Variants in PCDH9 observed in about 807,000 individuals in gnomAD.
PCDH9 encodes the protein protocadherin 9, also known as protocadherin-9.
In PCDH9, 24 loss-of-function variants were observed where a neutral mutation model predicts 70.6. The observed-to-expected ratio is 0.34, with a 90% CI of 0.25 to 0.48. The LOEUF (loss-of-function observed/expected upper bound fraction) is 0.48. Among genes scored for constraint, PCDH9 ranks in the 20% least tolerant of loss-of-function variants. The pLI is 0.99. For synonymous variants in PCDH9, 562 were observed against 558.5 expected, an observed-to-expected ratio of 1.01 and a Z score of -0.09; for missense variants, 1,281 against 1,503.6, an observed-to-expected ratio of 0.85 and a Z score of 2.45.
chr13:67,113,729 A>G (rs1052352643), intron 2 of PCDH9, among the ~76,000 whole-genome samples: 13 of 152,124 alleles, frequency 8.5e-5, no homozygotes, highest in Middle Eastern at 3.4e-3. Context: ...TTGTATTTTT[A>G]GTAGAGAGGG....
chr13:66,557,878 A>G (rs1961805776), intron 4 of PCDH9, among the ~76,000 whole-genome samples: 1 of 152,094 alleles, frequency 6.6e-6, no homozygotes, highest in African/African-American at 2.4e-5. Context: ...TGGGCTGGAA[A>G]CAGTGGCTCA....
chr13:66,343,275 G>C (rs1039782754), intron 4 of PCDH9, among the ~76,000 whole-genome samples: 4 of 152,082 alleles, frequency 2.6e-5, no homozygotes, highest in African/African-American at 9.7e-5. Context: ...CAATTCTATA[G>C]GTCACAAGTC....
chr13:67,165,195 G>T (rs1316483603), intron 2 of PCDH9, among the ~76,000 whole-genome samples: 1 of 151,912 alleles, frequency 6.6e-6, no homozygotes, highest in Non-Finnish European at 1.5e-5. Flanking sequence ...TTTTATTAGT[G>T]AATTGTACTG....
intron 2 of PCDH9, among the ~76,000 whole-genome samples, chr13:67,085,583 T>G (rs1241364319): frequency 2.0e-5 from 3 of 152,204 alleles, no homozygotes; most frequent in Non-Finnish European, 4.4e-5. Context: ...GTACTTTGAT[T>G]GGAATAACTG....
intron 2 of PCDH9, among the ~76,000 whole-genome samples, chr13:66,984,874 T>C (rs1040320223): frequency 5.3e-5 from 8 of 152,096 alleles, no homozygotes; most frequent in Non-Finnish European, 1.0e-4. Context: ...TATGGTTTTC[T>C]AAGGACAATT....
intron 2 of PCDH9, among the ~76,000 whole-genome samples, chr13:67,075,306 A>G (rs571650486): frequency 6.6e-6 from 1 of 152,250 alleles, no homozygotes; most frequent in South Asian, 2.1e-4. Context: ...GGGGAAAGTT[A>G]TATTGGTCAG....
At chr13:66,631,446 C>G (rs1304954199) in intron 3 of PCDH9, 35 bp from the exon 4 acceptor site, 2 of 1,238,614 alleles carry the variant, frequency 1.6e-6, no homozygotes, top group Admixed American at 1.7e-5. Flanking sequence ...CTGATTAACA[C>G]TCCTCTCAAA....
intron 2 of PCDH9, among the ~76,000 whole-genome samples, chr13:66,942,149 G>T (rs1289158205): frequency 1.3e-5 from 2 of 151,872 alleles, no homozygotes; most frequent in Non-Finnish European, 2.9e-5. Flanking sequence ...ATCAAAATTT[G>T]TGGAATGCCA....
At chr13:66,742,750 T>C (rs1363265923) in intron 3 of PCDH9, among the ~76,000 whole-genome samples, 25 of 146,852 alleles carry the variant, frequency 1.7e-4, no homozygotes, top group Non-Finnish European at 2.1e-4. Flanking sequence ...AAAATGCTCA[T>C]CATCACTGGC....
At chr13:66,942,356 G>T (rs2083019472) in intron 2 of PCDH9, among the ~76,000 whole-genome samples, 2 of 151,572 alleles carry the variant, frequency 1.3e-5, no homozygotes, top group African/African-American at 2.4e-5. Context: ...AAAAAAATTG[G>T]CATAACCAAT....
chr13:66,700,433 G>C (rs1051281598), intron 3 of PCDH9, among the ~76,000 whole-genome samples: 1 of 152,132 alleles, frequency 6.6e-6, no homozygotes, highest in Non-Finnish European at 1.5e-5. Context: ...GATAAAACAT[G>C]GGATTCTAAG....
intron 2 of PCDH9, among the ~76,000 whole-genome samples, chr13:66,980,273 T>G (rs932357960): frequency 6.6e-6 from 1 of 152,002 alleles, no homozygotes. Flanking sequence ...CCCCATTCAA[T>G]CCATCCAGAG....
intron 4 of PCDH9, among the ~76,000 whole-genome samples, chr13:66,528,042 A>T (rs1960288471): frequency 6.6e-6 from 1 of 152,188 alleles, no homozygotes; most frequent in Admixed American, 6.5e-5. Context: ...TGTTGTTAGA[A>T]GGGAAACAAA....
intron 3 of PCDH9, among the ~76,000 whole-genome samples, chr13:66,743,401 G>A (rs1471496199): frequency 3.5e-5 from 5 of 144,160 alleles, no homozygotes; most frequent in African/African-American, 1.0e-4. Flanking sequence ...GCTAGATGAC[G>A]AGTTAGTGGG....
chr13:66,678,047 A>C (rs1593879666), intron 3 of PCDH9, among the ~76,000 whole-genome samples: 1 of 152,138 alleles, frequency 6.6e-6, no homozygotes, highest in East Asian at 1.9e-4. Context: ...TTCAACAATC[A>C]TGAACAGAAT....
chr13:66,579,150 T>C (rs745645562), intron 4 of PCDH9, among the ~76,000 whole-genome samples: 9 of 152,130 alleles, frequency 5.9e-5, no homozygotes, highest in Non-Finnish European at 1.0e-4. Flanking sequence ...AATTGCCTTG[T>C]CTGTAGTTTT....
intron 2 of PCDH9, among the ~76,000 whole-genome samples, chr13:67,140,734 C>A (rs937420688): frequency 6.6e-6 from 1 of 152,104 alleles, no homozygotes; most frequent in Non-Finnish European, 1.5e-5. Context: ...AGAAATGCTT[C>A]TCTTTTTTTA....
intron 3 of PCDH9, among the ~76,000 whole-genome samples, chr13:66,832,011 T>G (rs1384868287): frequency 6.6e-6 from 1 of 152,140 alleles, no homozygotes; most frequent in African/African-American, 2.4e-5. Flanking sequence ...TACAGCTGTG[T>G]GCCTGTATTG....
chr13:66,398,338 T>C (rs1444140892), intron 4 of PCDH9, among the ~76,000 whole-genome samples: 5 of 152,154 alleles, frequency 3.3e-5, no homozygotes, highest in African/African-American at 7.2e-5. Context: ...AATTCTGCTA[T>C]TGGAATCGTT....
Sources: gnomAD v4.1 joint callset for allele counts (sites outside exome capture counted in the v4.1 genomes callset) on GRCh38, gnomAD v4.1.1 for gene constraint, MANE v1.5 for transcripts, NCBI Gene and HGNC (gene_info 2026-07-23, HGNC 2026-07-21) for gene names.